Variants in LIPJ observed in about 807,000 individuals in gnomAD.
LIPJ encodes lipase family member J.
In LIPJ, 33 loss-of-function variants were observed where a neutral mutation model predicts 39.8. The observed-to-expected ratio is 0.83, with a 90% CI of 0.63 to 1.11. The LOEUF is 1.11. Among genes scored for constraint, LIPJ ranks in the 50% least tolerant of loss-of-function variants. The probability of loss-of-function intolerance (pLI) is 0.00; values close to 1 mark genes in which losing one functional copy is unlikely to be tolerated. For missense variants in LIPJ, 422 were observed against 427.9 expected, an observed-to-expected ratio of 0.99 and a Z score of 0.12; for synonymous variants, 128 against 139.2, an observed-to-expected ratio of 0.92 and a Z score of 0.57.
chr10:88,596,259 T>C lies in LIPJ; in HGVS notation c.440-21T>C. On this transcript the variant is annotated intron_variant, in intron 6 of 10. Transcript: ENST00000371939. ...AATTGCTTAAGAATAGCTTACTAAT[T>C]TATATCTTATTTTATTTTAGGTTTC... 2.3e-6 allele frequency: 3 copies of C among 1,305,100 alleles called. No individual in the cohort carries two copies. In the South Asian group the frequency reaches 5.7e-5, roughly 25 times the overall value. 80.8% of individuals were successfully genotyped at this position (1,305,100 alleles called of 1,614,324 possible). A position where few individuals can be genotyped will look rare whatever the true frequency, so the allele number is the denominator to read the frequency against.
At chr10:88,613,770 G>GTATATA in the LIPJ span, among the ~76,000 whole-genome samples, 977 of 75,442 alleles carry the variant, frequency 0.013, 24 homozygotes, top group African/African-American at 0.018. Flanking sequence ...ATGTGTGTGT[G>GTATATA]TATATATATA....
intron 2 of LIPJ, among the ~76,000 whole-genome samples, chr10:88,589,977 G>C (rs1185072384): frequency 6.6e-6 from 1 of 151,602 alleles, no homozygotes; most frequent in Non-Finnish European, 1.5e-5. Context: ...TATTATACAA[G>C]GCTCATAAGA....
chr10:88,609,175 T>A (rs1357867094), downstream of LIPJ, among the ~76,000 whole-genome samples: 4 of 152,218 alleles, frequency 2.6e-5, no homozygotes, highest in Non-Finnish European at 5.9e-5. Flanking sequence ...CCTCCACCAG[T>A]AACACAAATA....
chr10:88,609,004 G>T (rs1851719443), downstream of LIPJ, among the ~76,000 whole-genome samples: 1 of 152,174 alleles, frequency 6.6e-6, no homozygotes, highest in African/African-American at 2.4e-5. Context: ...TTAAATCCCA[G>T]AAAATTATGT....
At chr10:88,593,172 C>T (rs1851137912) in intron 4 of LIPJ, 1 of 151,786 alleles carries the variant, frequency 6.6e-6, no homozygotes, top group African/African-American at 2.4e-5. Context: ...TCCTGGTCTT[C>T]AGTAATGAAG....
At chr10:88,596,844 G>A (rs147762785) in exon 8 of LIPJ, 1 of 1,599,280 alleles carries the variant, frequency 6.3e-7, no homozygotes, top group African/African-American at 1.3e-5. Flanking sequence ...AAAATTCATT[G>A]GTTCAAAGCT....
the LIPJ span, chr10:88,618,332 A>C: frequency 6.6e-6 from 1 of 152,304 alleles, no homozygotes. Context: ...CTTGAAGGGC[A>C]TAAGAAGTTA....
downstream of LIPJ, among the ~76,000 whole-genome samples, chr10:88,609,898 CAAAAAAAAAAAA>C (rs11305444): frequency 2.4e-5 from 2 of 84,558 alleles, no homozygotes; most frequent in African/African-American, 9.5e-5. Flanking sequence ...GACTCTGTCT[CAAAAAAAAAAAA>C]AAAAAAAAGG....
intron 8 of LIPJ, among the ~76,000 whole-genome samples, chr10:88,600,038 T>A (rs1322113316): frequency 1.3e-5 from 2 of 152,038 alleles, no homozygotes; most frequent in Non-Finnish European, 2.9e-5. Flanking sequence ...TTCTCTTATT[T>A]TGTTACTGCT....
chr10:88,619,551 A>G, the LIPJ span, among the ~76,000 whole-genome samples: 1 of 151,764 alleles, frequency 6.6e-6, no homozygotes, highest in Non-Finnish European at 1.5e-5. Flanking sequence ...TACAGCAGGA[A>G]CAGAGAAGGA....
rs768257848 is a variant in LIPJ at position 88,605,614 on chromosome 10, T to C, written c.796-19T>C. On this transcript the variant is annotated intron_variant, in intron 9 of 10. Transcript: ENST00000371939. ...GTAATGAACAAATGATATGGTCTTA[T>C]TTTTTGTTTCTCTTTCAGCTTTTAA... 1.3e-6 allele frequency: 2 copies of C among 1,576,354 alleles called. No homozygotes were observed. Among genetic ancestry groups the C allele is most frequent in the Admixed American group, 1.7e-5 (1 of 59,692 alleles).
the LIPJ span, among the ~76,000 whole-genome samples, chr10:88,620,967 A>C: frequency 6.6e-6 from 1 of 152,166 alleles, no homozygotes; most frequent in Non-Finnish European, 1.5e-5. Flanking sequence ...GAGAGCAGAA[A>C]GAGACCATTT....
In LIPJ at chr10:88,590,719, T is replaced by G. The variant is rs757381494; in HGVS notation, c.9+23T>G. The stretch of plus-strand genomic sequence containing the variant: ...ATTGTAAGTTGTTAGAAAATAAATC[T>G]GGACTGCTGAAATAACAGAGAATGC... On this transcript the variant is annotated intron_variant, in intron 3 of 10. Coordinates refer to ENST00000371939, the Ensembl canonical transcript of LIPJ. The G allele has an allele frequency of 1.0e-5, 16 of 1,575,530 alleles. No individual in the cohort carries two copies. The South Asian group carries it at 1.7e-4, about 17-fold the overall frequency.
At chr10:88,603,204 G>A (rs991153664) in intron 9 of LIPJ, among the ~76,000 whole-genome samples, 1 of 152,164 alleles carries the variant, frequency 6.6e-6, no homozygotes, top group Non-Finnish European at 1.5e-5. Flanking sequence ...TGTTACAACA[G>A]TAGACTAGGG....
At chr10:88,618,519 G>T in the LIPJ span, 1 of 152,384 alleles carries the variant, frequency 6.6e-6, no homozygotes, top group African/African-American at 2.4e-5. Flanking sequence ...CTGACTTCAG[G>T]TTCGGGTACC....
chr10:88,598,813 G>A (rs901903093), intron 8 of LIPJ, among the ~76,000 whole-genome samples: 4 of 151,456 alleles, frequency 2.6e-5, no homozygotes, highest in African/African-American at 9.7e-5. Context: ...AGAAAACTAA[G>A]CATTATATTG....
chr10:88,616,108 T>C, the LIPJ span, among the ~76,000 whole-genome samples: 76 of 152,236 alleles, frequency 5.0e-4, no homozygotes, highest in African/African-American at 1.7e-3. Flanking sequence ...TGGTGTGTTC[T>C]CACAATGGAA....
At chr10:88,609,623 G>A (rs187039198), downstream of LIPJ, among the ~76,000 whole-genome samples, 2 of 152,210 alleles carry the variant, frequency 1.3e-5, no homozygotes, top group Non-Finnish European at 2.9e-5. Flanking sequence ...AAACCCTACC[G>A]GGTGCAGTGG....
chr10:88,590,153 C>G (rs17109503), intron 2 of LIPJ, among the ~76,000 whole-genome samples: 6,533 of 151,600 alleles, frequency 0.043, 213 homozygotes, highest in East Asian at 0.098. Context: ...TGAAAGTTAT[C>G]CAAGCTTCCA....
Sources: gnomAD v4.1 joint callset for allele counts (sites outside exome capture counted in the v4.1 genomes callset) on GRCh38, gnomAD v4.1.1 for gene constraint, MANE v1.5 for transcripts, NCBI Gene and HGNC (gene_info 2026-07-23, HGNC 2026-07-21) for gene names.